The following MTPN variants were observed in gnomAD, a reference collection of about 807,000 sequenced individuals.
MTPN encodes granule cell differentiation protein.
A neutral mutation model predicts 13.5 loss-of-function variants in MTPN; 2 were observed. The observed-to-expected ratio is 0.15, with a 90% CI of 0.06 to 0.47. The LOEUF is 0.47. Among genes scored for constraint, MTPN ranks in the 20% least tolerant of loss-of-function variants. MTPN has a pLI of 0.97. For missense variants in MTPN, 79 were observed against 137.9 expected (o/e 0.57, Z 2.14); for synonymous variants, 46 against 51.7 (o/e 0.89, Z 0.48).
chr7:135,965,345 AAGTAGAC>A (rs1799589259), intron 1 of MTPN, among the ~76,000 whole-genome samples: 1 of 152,128 alleles, frequency 6.6e-6, no homozygotes, highest in South Asian at 2.1e-4. Context: ...CAAGGTTAGT[AAGTAGAC>A]AGGGCTGGGA....
chr7:135,964,405 A>T, intron 1 of MTPN, among the ~76,000 whole-genome samples: 1 of 152,104 alleles, frequency 6.6e-6, no homozygotes, highest in East Asian at 1.9e-4. Flanking sequence ...GAATCAGTGA[A>T]AACTGCTAAC....
chr7:135,962,255 ATTGGGAT>A (rs1799535610), intron 1 of MTPN, among the ~76,000 whole-genome samples: 3 of 151,914 alleles, frequency 2.0e-5, no homozygotes, highest in Admixed American at 1.3e-4. Context: ...GATTAGATTA[ATTGGGAT>A]TAGCAAAATA....
intron 1 of MTPN, among the ~76,000 whole-genome samples, chr7:135,972,510 T>C (rs190677911): frequency 6.0e-4 from 92 of 152,372 alleles, no homozygotes; most frequent in Middle Eastern, 3.4e-3. Context: ...TAATGAAGTA[T>C]GCTGAAATTA....
chr7:135,954,850 G>A (rs1046742036), intron 1 of MTPN, among the ~76,000 whole-genome samples: 2 of 152,218 alleles, frequency 1.3e-5, no homozygotes, highest in African/African-American at 4.8e-5. Context: ...GGCTGAGGCA[G>A]GACAATGGCA....
intron 1 of MTPN, among the ~76,000 whole-genome samples, chr7:135,962,125 AT>A (rs1562935349): frequency 6.6e-6 from 1 of 152,028 alleles, no homozygotes; most frequent in Non-Finnish European, 1.5e-5. Flanking sequence ...TATCAACAAA[AT>A]ATAATTATAA....
rs1168643598 is a variant in MTPN, at chr7:135,927,361, C to G, written c.*2565G>C. 2 of 1,550,746 alleles carry G rather than the reference C, an allele frequency of 1.3e-6. No homozygotes were observed. The highest frequency in any genetic ancestry group is 1.7e-6 in the Non-Finnish European group (2 of 1,146,246). On this transcript the variant is annotated 3_prime_UTR_variant, in exon 4 of 4. Transcript: ENST00000393085. ...TAAGCCTATAGATAACAGTCTGAAGCTGCAAGGGAGACTTTGTTAGTACAC... is the reference window on the plus strand; with the variant it reads ...TAAGCCTATAGATAACAGTCTGAAGGTGCAAGGGAGACTTTGTTAGTACAC...
chr7:135,945,808 T>C (rs1182769576), intron 3 of MTPN, among the ~76,000 whole-genome samples: 1 of 152,184 alleles, frequency 6.6e-6, no homozygotes, highest in Admixed American at 6.5e-5. Flanking sequence ...CCAAGCATTA[T>C]GTATGACCAG....
rs971319310 is a variant in MTPN at position 135,926,919 on chromosome 7, A to T, written c.*3007T>A. 1 of 158,510 alleles carries T rather than the reference A, an allele frequency of 6.3e-6. No homozygotes were observed. The highest frequency in any genetic ancestry group is 2.4e-5 in the African/African-American group (1 of 41,720). 9.8% of individuals were successfully genotyped at this position (158,510 alleles called of 1,614,324 possible). A position where few individuals can be genotyped will look rare whatever the true frequency, so the allele number is the denominator to read the frequency against. On this transcript the variant is annotated 3_prime_UTR_variant, in exon 4 of 4. Transcript: ENST00000393085. The stretch of plus-strand genomic sequence containing the variant: ...AAAAAATGAACTCAAATATATCAAA[A>T]TGCACAAAGCACTAGTCTTCCTCCA...
chr7:135,943,455 AG>A (rs1317461055), intron 3 of MTPN, among the ~76,000 whole-genome samples: 1 of 152,374 alleles, frequency 6.6e-6, no homozygotes, highest in East Asian at 1.9e-4. Context: ...GTGATTAAAA[AG>A]AAAAAGCACA....
chr7:135,962,293 T>C (rs1584817664), intron 1 of MTPN, among the ~76,000 whole-genome samples: 1 of 150,348 alleles, frequency 6.7e-6, no homozygotes, highest in South Asian at 2.1e-4. Context: ...TAGCACAAAG[T>C]AAACATAAGA....
At position 135,977,331 on chromosome 7, in the gene MTPN, G is replaced by A. The variant is rs1416548997; in HGVS notation, c.-231C>T. The A allele has an allele frequency of 5.2e-6, 3 of 572,056 alleles. No homozygotes were observed. Among genetic ancestry groups the A allele is most frequent in the Admixed American group, 3.0e-5 (1 of 32,930 alleles). 35.4% of individuals were successfully genotyped at this position (572,056 alleles called of 1,614,324 possible). ...GGGCCCAGCAGAGAGGTTCCGCCTG[G>A]CCGAGGAGAGGCAGGAACCTTTACA... is the stretch of plus-strand genomic sequence containing the variant. On this transcript the variant is annotated 5_prime_UTR_variant, in exon 1 of 4. Transcript: ENST00000393085.
intron 1 of MTPN, among the ~76,000 whole-genome samples, chr7:135,975,731 C>G (rs919862622): frequency 2.0e-5 from 3 of 152,126 alleles, no homozygotes; most frequent in Non-Finnish European, 4.4e-5. Context: ...ATTGAAATAG[C>G]CAATAAGTCA....
chr7:135,934,323 T>C (rs536301276), intron 3 of MTPN, among the ~76,000 whole-genome samples: 1 of 152,306 alleles, frequency 6.6e-6, no homozygotes, highest in East Asian at 1.9e-4. Context: ...GTTCCTTCCA[T>C]TCTGTTGATC....
intron 1 of MTPN, among the ~76,000 whole-genome samples, chr7:135,964,185 T>C (rs1584818567): frequency 6.6e-6 from 1 of 152,126 alleles, no homozygotes; most frequent in Non-Finnish European, 1.5e-5. Context: ...GAACCAAATA[T>C]AACTTTATCT....
chr7:135,941,124 C>T (rs1799202863), intron 3 of MTPN, among the ~76,000 whole-genome samples: 1 of 152,096 alleles, frequency 6.6e-6, no homozygotes, highest in Non-Finnish European at 1.5e-5. Context: ...TGTTTGTTGC[C>T]CACTGTTCTA....
intron 3 of MTPN, among the ~76,000 whole-genome samples, chr7:135,936,243 G>A (rs974967741): frequency 2.6e-5 from 4 of 152,216 alleles, no homozygotes; most frequent in African/African-American, 9.6e-5. Context: ...TCAACACTTT[G>A]GGAGGCCAGG....
At chr7:135,939,115 G>A (rs992549637) in intron 3 of MTPN, among the ~76,000 whole-genome samples, 1 of 152,068 alleles carries the variant, frequency 6.6e-6, no homozygotes, top group Non-Finnish European at 1.5e-5. Flanking sequence ...AAGAGCGGAG[G>A]ATCTGTTTAC....
At chr7:135,967,629 C>T (rs10488399) in intron 1 of MTPN, among the ~76,000 whole-genome samples, 12,057 of 152,182 alleles carry the variant, frequency 0.079, 543 homozygotes, top group Admixed American at 0.1. Context: ...AATCTTGCTT[C>T]TAAACAAATT....
chr7:135,963,730 C>T (rs1017372650), intron 1 of MTPN, among the ~76,000 whole-genome samples: 35 of 152,012 alleles, frequency 2.3e-4, no homozygotes, highest in African/African-American at 7.7e-4. Context: ...AATAACAATA[C>T]ATTTGTTATG....
Sources: gnomAD v4.1 joint callset for allele counts (sites outside exome capture counted in the v4.1 genomes callset) on GRCh38, gnomAD v4.1.1 for gene constraint, MANE v1.5 for transcripts, NCBI Gene and HGNC (gene_info 2026-07-23, HGNC 2026-07-21) for gene names.